Variants in CNKSR2 observed in about 807,000 individuals in gnomAD.
CNKSR2 encodes the protein CNK homolog protein 2.
CNKSR2 carries 14 observed loss-of-function variants against 84.4 expected under a neutral mutation model. The ratio of observed to expected loss-of-function variants is 0.17; its 90% CI spans 0.11 to 0.26. The LOEUF (loss-of-function observed/expected upper bound fraction) is 0.26. Among genes scored for constraint, CNKSR2 ranks in the 10% least tolerant of loss-of-function variants. The pLI is 1.00. For missense variants in CNKSR2, 485 were observed against 771.2 expected (o/e 0.63, Z 4.40); for synonymous variants, 275 against 277.9 (o/e 0.99, Z 0.10).
chrX:21,440,439 A>G (rs191204555), intron 3 of CNKSR2, among the ~76,000 whole-genome samples: 34 of 111,809 alleles, frequency 3.0e-4, no homozygotes, highest in Middle Eastern at 4.6e-3. Context: ...TGTAAGAACC[A>G]AAGAACTTAA....
chrX:21,513,389 A>T (rs111471783), intron 8 of CNKSR2, among the ~76,000 whole-genome samples: 29 of 112,089 alleles, frequency 2.6e-4, no homozygotes, highest in African/African-American at 8.7e-4. Flanking sequence ...ATCTATTTTC[A>T]TGTTTCTACC....
intron 1 of CNKSR2, among the ~76,000 whole-genome samples, chrX:21,419,141 G>A (rs749589298): frequency 5.5e-5 from 6 of 108,897 alleles, no homozygotes; most frequent in South Asian, 4.0e-4. Context: ...TCAAGCTCAC[G>A]AATTCTTTGT....
At chrX:21,532,210 A>C (rs1022994532) in intron 11 of CNKSR2, 143 bp downstream of exon 11, 6 of 379,276 alleles carry the variant, frequency 1.6e-5, no homozygotes, top group Middle Eastern at 1.4e-3. Context: ...ATGTGCTTCT[A>C]AGTGGAATTT....
At chrX:21,489,914 T>A (rs2091425212) in intron 5 of CNKSR2, among the ~76,000 whole-genome samples, 1 of 111,814 alleles carries the variant, frequency 8.9e-6, no homozygotes, top group South Asian at 3.7e-4. Flanking sequence ...TTCAGATTGT[T>A]CATAGAATGC....
rs897926437 is a variant in CNKSR2 at position 21,550,055 on chromosome X, C to T, written c.1304-11416C>T. 1.8e-4 allele frequency among the ~76,000 whole-genome samples: 20 copies of T among 111,745 alleles called. 1 individual carries two copies. Among genetic ancestry groups the T allele is most frequent in the Non-Finnish European group, 1.9e-5 (1 of 53,108 alleles). Reference sequence around the variant, plus strand: ...CACCAAAAGCAATGGCAACAAAAGCCAAAATAGACAAATGGGATCTAATTG... The same window carrying T: ...CACCAAAAGCAATGGCAACAAAAGCTAAAATAGACAAATGGGATCTAATTG... On this transcript the variant is annotated intron_variant, in intron 11 of 21. Transcript: ENST00000379510.
intron 11 of CNKSR2, among the ~76,000 whole-genome samples, chrX:21,544,587 C>T (rs1266619232): frequency 8.9e-6 from 1 of 111,987 alleles, no homozygotes; most frequent in African/African-American, 3.3e-5. Flanking sequence ...AAAGAACTTT[C>T]GGTGGCTGGC....
At chrX:21,383,132 G>A (rs1010489470) in intron 1 of CNKSR2, among the ~76,000 whole-genome samples, 5 of 112,366 alleles carry the variant, frequency 4.4e-5, no homozygotes, top group African/African-American at 1.6e-4. Flanking sequence ...AGGCTTAAAT[G>A]CTCTAGCTAG....
chrX:21,641,853 G>T, intron 20 of CNKSR2: 1 of 901,501 alleles, frequency 1.1e-6, no homozygotes, highest in East Asian at 5.4e-5. Flanking sequence ...ACTAGCATAA[G>T]ATCAAAGCCA....
intron 18 of CNKSR2, among the ~76,000 whole-genome samples, chrX:21,605,259 C>A (rs1045438489): frequency 4.5e-5 from 5 of 111,573 alleles, no homozygotes; most frequent in Non-Finnish European, 9.4e-5. Context: ...GGCAACTGTG[C>A]CAATTCATAT....
At chrX:21,593,642 ATTC>A (rs949776221) in intron 15 of CNKSR2, 1 of 111,305 alleles carries the variant, frequency 9.0e-6, no homozygotes, top group South Asian at 3.8e-4. Flanking sequence ...ATTTTGGATA[ATTC>A]TTCTGTCTTG....
intron 13 of CNKSR2, among the ~76,000 whole-genome samples, chrX:21,580,954 GT>G (rs2092349412): frequency 9.0e-6 from 1 of 111,581 alleles, no homozygotes; most frequent in African/African-American, 3.3e-5. Flanking sequence ...CTTTTCACCT[GT>G]TAGAACTTGC....
chrX:21,465,282 CA>C (rs1421191375), intron 4 of CNKSR2, among the ~76,000 whole-genome samples: 1 of 111,346 alleles, frequency 9.0e-6, no homozygotes, highest in East Asian at 2.8e-4. Context: ...ATTTATCCCT[CA>C]TTACATAATA....
chrX:21,559,343 G>A (rs967671971), intron 11 of CNKSR2, among the ~76,000 whole-genome samples: 1 of 109,771 alleles, frequency 9.1e-6, no homozygotes, highest in Non-Finnish European at 1.9e-5. Context: ...CTGGCACTAG[G>A]GAGACTCCCT....
At chrX:21,530,195 A>G (rs975880554) in intron 10 of CNKSR2, among the ~76,000 whole-genome samples, 33 of 111,584 alleles carry the variant, frequency 3.0e-4, no homozygotes, top group African/African-American at 9.7e-4. Context: ...AGAACTATCT[A>G]TATAGTTCTA....
At chrX:21,631,775 T>G (rs1350764681) in intron 20 of CNKSR2, among the ~76,000 whole-genome samples, 1 of 112,275 alleles carries the variant, frequency 8.9e-6, no homozygotes, top group East Asian at 2.8e-4. Flanking sequence ...ATTCTCACAT[T>G]TCCTGCATCT....
At chrX:21,536,134 G>A (rs1164583010) in intron 11 of CNKSR2, among the ~76,000 whole-genome samples, 1 of 111,031 alleles carries the variant, frequency 9.0e-6, no homozygotes, top group Non-Finnish European at 1.9e-5. Context: ...TATGGTTTTT[G>A]TCCTTTATTC....
intron 4 of CNKSR2, among the ~76,000 whole-genome samples, chrX:21,469,870 C>G (rs2091176666): frequency 9.0e-6 from 1 of 111,694 alleles, no homozygotes; most frequent in Non-Finnish European, 1.9e-5. Flanking sequence ...CGAGATCACA[C>G]CACTGCACTC....
At chrX:21,564,144 G>A (rs1409404277) in intron 13 of CNKSR2, among the ~76,000 whole-genome samples, 2 of 111,607 alleles carry the variant, frequency 1.8e-5, no homozygotes, top group Non-Finnish European at 3.8e-5. Flanking sequence ...ATGATTGCTG[G>A]TTTATTAACA....
intron 1 of CNKSR2, among the ~76,000 whole-genome samples, chrX:21,421,455 G>A (rs1165512073): frequency 9.2e-6 from 1 of 109,143 alleles, no homozygotes; most frequent in African/African-American, 3.3e-5. Flanking sequence ...GCAATTGGTG[G>A]AGCCTTCTGT....
Sources: allele counts gnomAD v4.1 joint callset (sites outside exome capture counted in the v4.1 genomes callset), GRCh38; gene constraint gnomAD v4.1.1; transcripts MANE v1.5; gene names NCBI Gene and HGNC (gene_info 2026-07-23, HGNC 2026-07-21).